The following ATAD2B variants were observed in gnomAD, a reference collection of about 807,000 sequenced individuals.
ATAD2B encodes the protein ATPase family AAA domain containing 2B, also known as ATPase family AAA domain-containing protein 2B.
In ATAD2B, 40 loss-of-function variants were observed where a neutral mutation model predicts 167.6. That is an observed-to-expected ratio of 0.24 (90% CI 0.19 to 0.31). The LOEUF is 0.31. Ranked by LOEUF, ATAD2B falls within the 10% of genes least tolerant of loss-of-function variation. ATAD2B has a pLI of 1.00. For missense variants in ATAD2B, 1,242 were observed against 1,757.2 expected (o/e 0.71, Z 5.24); for synonymous variants, 579 against 596.5 (o/e 0.97, Z 0.43).
intron 1 of ATAD2B, among the ~76,000 whole-genome samples, chr2:23,926,129 G>A (rs918120157): frequency 1.3e-5 from 2 of 152,208 alleles, no homozygotes; most frequent in African/African-American, 4.8e-5. Context: ...GCTGGAGTTA[G>A]ACAGCGGCAG....
chr2:23,757,372 C>T, intron 25 of ATAD2B, 46 bp downstream of exon 25: 1 of 1,361,152 alleles, frequency 7.3e-7, no homozygotes, highest in Non-Finnish European at 9.9e-7. Flanking sequence ...AACGAATTAA[C>T]TCTGGAGTTT....
chr2:23,775,939 AACCCC>A (rs113098389), intron 22 of ATAD2B, among the ~76,000 whole-genome samples: 18,114 of 152,080 alleles, frequency 0.12, 1,133 homozygotes, highest in Middle Eastern at 0.21. Context: ...AACATGGTGA[AACCCC>A]ATCTCTATTA....
chr2:23,768,544 C>T (rs1677800287), intron 22 of ATAD2B, among the ~76,000 whole-genome samples: 1 of 151,802 alleles, frequency 6.6e-6, no homozygotes, highest in African/African-American at 2.4e-5. Context: ...TGCACTCCAG[C>T]CTGAGCAACA....
At chr2:23,830,382 T>G (rs1250365812) in intron 14 of ATAD2B, among the ~76,000 whole-genome samples, 2 of 152,250 alleles carry the variant, frequency 1.3e-5, no homozygotes, top group Admixed American at 6.5e-5. Context: ...TTTTCACATC[T>G]GCACTCTTTG....
intron 23 of ATAD2B, 45 bp downstream of exon 23, chr2:23,765,461 C>A: frequency 6.5e-7 from 1 of 1,542,590 alleles, no homozygotes; most frequent in Non-Finnish European, 8.8e-7. Flanking sequence ...TTGGCCTGAA[C>A]AGAGCACACT....
the ATAD2B span, chr2:23,706,574 A>T: frequency 6.5e-7 from 1 of 1,537,258 alleles, no homozygotes; most frequent in Non-Finnish European, 8.7e-7. Flanking sequence ...ACGAGCCCAC[A>T]ACCAACACAT....
At position 23,884,809 on chromosome 2, in the gene ATAD2B, C is replaced by T; in HGVS notation, c.740G>A (p.Gly247Glu). 1 of 1,601,358 alleles carries T rather than the reference C, an allele frequency of 6.2e-7. No individual in the cohort carries two copies. The highest frequency in any genetic ancestry group is 8.5e-7 in the Non-Finnish European group (1 of 1,173,628). Residue 247 changes from glycine to glutamate, a missense_variant, in exon 6 of 28, where the codon GGG becomes GAG. Coordinates refer to ENST00000238789, the MANE Select transcript of ATAD2B (RefSeq NM_017552.4). ...AGAAACTTCATGATGATTTTGTATC[C>T]CATAACTATTTCTTCTTAGTGACTT... ...RRKSLRRNSYGIQNHHEVSTE... is the reference protein window; with the variant it reads ...RRKSLRRNSYEIQNHHEVSTE...
At chr2:23,694,193 G>A in the ATAD2B span, among the ~76,000 whole-genome samples, 3 of 152,196 alleles carry the variant, frequency 2.0e-5, no homozygotes, top group Admixed American at 6.5e-5. Context: ...CTGCAGATCC[G>A]TCTAATTCAC....
At chr2:23,693,486 A>AGTC in the ATAD2B span, 1 of 1,551,596 alleles carries the variant, frequency 6.4e-7, no homozygotes, top group Non-Finnish European at 8.7e-7. Context: ...TGTACGAGAC[A>AGTC]GTCATCAAGT....
At chr2:23,804,885 T>C (rs1335545369) in intron 18 of ATAD2B, among the ~76,000 whole-genome samples, 1 of 151,962 alleles carries the variant, frequency 6.6e-6, no homozygotes, top group African/African-American at 2.4e-5. Context: ...CATGACTAGA[T>C]TACAACCAGC....
intron 13 of ATAD2B, among the ~76,000 whole-genome samples, chr2:23,841,415 T>C (rs751320189): frequency 2.0e-5 from 3 of 152,236 alleles, no homozygotes; most frequent in South Asian, 2.1e-4. Flanking sequence ...CGACATTTCA[T>C]ATAAACAGAA....
At chr2:23,819,149 G>A (rs895084293) in intron 17 of ATAD2B, among the ~76,000 whole-genome samples, 13 of 152,024 alleles carry the variant, frequency 8.6e-5, no homozygotes, top group Admixed American at 7.9e-4. Context: ...GACTTTCTAA[G>A]GGTAAGCTTT....
In ATAD2B at chr2:23,867,928, G is replaced by A. The variant is rs1462944197; in HGVS notation, c.1095C>T (p.Phe365=). 2 of 1,610,790 alleles carry A rather than the reference G, an allele frequency of 1.2e-6. No individual in the cohort carries two copies. The highest frequency in any genetic ancestry group is 1.1e-5 in the South Asian group (1 of 90,148). ...TACCGCTAGCTAAGTCCTCTGCTCT[G>A]AAGTTCATAGGCAAACATCTGAAAT... The part of the protein sequence containing the change: ...RARNRCLPMN[F]RAEDLASGIL... Residue 365 remains phenylalanine (F), a synonymous_variant, in exon 10 of 28, where the codon TTC becomes TTT. Transcript: ENST00000238789.
At chr2:23,802,067 G>A (rs952149128) in intron 18 of ATAD2B, among the ~76,000 whole-genome samples, 3 of 151,890 alleles carry the variant, frequency 2.0e-5, no homozygotes, top group South Asian at 4.1e-4. Context: ...TGCCTAAAGA[G>A]GGCAATATAG....
At chr2:23,918,440 A>G (rs1703399845) in intron 1 of ATAD2B, among the ~76,000 whole-genome samples, 1 of 152,112 alleles carries the variant, frequency 6.6e-6, no homozygotes, top group Non-Finnish European at 1.5e-5. Context: ...TAAAAAATGA[A>G]ACAAAAATAT....
At chr2:23,711,363 T>C in the ATAD2B span, among the ~76,000 whole-genome samples, 16 of 114,858 alleles carry the variant, frequency 1.4e-4, 3 homozygotes, top group Admixed American at 1.4e-3. Context: ...TTTTTTTTTT[T>C]TTTTTTTTTT....
intron 13 of ATAD2B, among the ~76,000 whole-genome samples, chr2:23,836,516 C>CA (rs1196023419): frequency 6.6e-6 from 1 of 152,198 alleles, no homozygotes. Context: ...TGCCATCTGA[C>CA]AGGTCCCGAG....
At chr2:23,832,050 CA>C (rs1265364548) in intron 14 of ATAD2B, among the ~76,000 whole-genome samples, 1 of 152,184 alleles carries the variant, frequency 6.6e-6, no homozygotes, top group Non-Finnish European at 1.5e-5. Flanking sequence ...TCATCAGATT[CA>C]CTGACGACCT....
chr2:23,688,885 G>A, the ATAD2B span: 3 of 152,374 alleles, frequency 2.0e-5, no homozygotes, highest in Non-Finnish European at 4.4e-5. Context: ...TGTGGAGGAC[G>A]CAGCCCTCGT....
Sources: gnomAD v4.1 joint callset for allele counts (sites outside exome capture counted in the v4.1 genomes callset) on GRCh38, gnomAD v4.1.1 for gene constraint, MANE v1.5 for transcripts, NCBI Gene and HGNC (gene_info 2026-07-23, HGNC 2026-07-21) for gene names.